LRRTM4: variants seen among roughly 807,000 people sequenced by gnomAD.
LRRTM4 encodes the protein leucine-rich repeat transmembrane neuronal protein 4.
In LRRTM4, 25 loss-of-function variants were observed where a neutral mutation model predicts 47.6. The ratio of observed to expected loss-of-function variants is 0.53; its 90% CI spans 0.38 to 0.73. The LOEUF is 0.73. Ranked by LOEUF, LRRTM4 falls within the 30% of genes least tolerant of loss-of-function variation. The pLI, the probability that LRRTM4 is intolerant of heterozygous loss-of-function variation, is 0.00. For missense variants in LRRTM4, 638 were observed against 713.4 expected (o/e 0.89, Z 1.20); for synonymous variants, 311 against 269.5 (o/e 1.15, Z -1.51).
At chr2:76,845,250 G>A (rs551087784) in intron 3 of LRRTM4, among the ~76,000 whole-genome samples, 1 of 152,262 alleles carries the variant, frequency 6.6e-6, no homozygotes, top group African/African-American at 2.4e-5. Flanking sequence ...CAACACTTTG[G>A]GAGGCTGAGG....
chr2:77,518,442 T>C lies in LRRTM4; in HGVS notation c.1427A>G (p.Gln476Arg). The change falls in exon 3 of 4, where the codon CAA (glutamine) becomes CGA (arginine). Residue 476 changes from glutamine (Q) to arginine (R), a missense_variant. By Grantham distance (43) the Gln-to-Arg change is conservative (BLOSUM62 1). Coordinates refer to ENST00000409884, the MANE Select transcript of LRRTM4 (RefSeq NM_001134745.3). Reference sequence around the variant, plus strand: ...ATACTCCTGTAAAGGGGAATTCATTTGTCTTTCAGACTCTCTGGCCTTTTT... The same window carrying C: ...ATACTCCTGTAAAGGGGAATTCATTCGTCTTTCAGACTCTCTGGCCTTTTT... ...RRKKARESER[Q>R]MNSPLQEYYV... 1.2e-6 allele frequency: 2 copies of C among 1,613,318 alleles called. No individual in the cohort carries two copies. The highest frequency in any genetic ancestry group is 1.7e-6 in the Non-Finnish European group (2 of 1,179,588).
chr2:77,437,144 C>T (rs1675632597), intron 3 of LRRTM4, among the ~76,000 whole-genome samples: 1 of 151,958 alleles, frequency 6.6e-6, no homozygotes, highest in African/African-American at 2.4e-5. Context: ...TGGTCTGTTA[C>T]ATTTCTAGTT....
chr2:77,075,366 G>A (rs1014435881), intron 3 of LRRTM4, among the ~76,000 whole-genome samples: 1 of 152,086 alleles, frequency 6.6e-6, no homozygotes, highest in Non-Finnish European at 1.5e-5. Context: ...AAAATCAGAG[G>A]TTAATTTTTA....
intron 3 of LRRTM4, among the ~76,000 whole-genome samples, chr2:77,219,940 A>G (rs1270892418): frequency 2.0e-5 from 3 of 152,140 alleles, no homozygotes; most frequent in African/African-American, 7.2e-5. Flanking sequence ...GAGTAGCCTA[A>G]CTGGGAGGCA....
At chr2:77,139,366 A>G (rs925883093) in intron 3 of LRRTM4, among the ~76,000 whole-genome samples, 4 of 152,196 alleles carry the variant, frequency 2.6e-5, no homozygotes, top group African/African-American at 9.6e-5. Context: ...AGAACGAAAG[A>G]CAAAAGCCAC....
chr2:77,037,912 C>A (rs560827384), intron 3 of LRRTM4, among the ~76,000 whole-genome samples: 1 of 151,716 alleles, frequency 6.6e-6, no homozygotes, highest in African/African-American at 2.4e-5. Flanking sequence ...CTTGAGGATT[C>A]TAGGAGTGAA....
intron 3 of LRRTM4, among the ~76,000 whole-genome samples, chr2:77,167,367 G>A (rs1172666264): frequency 1.3e-5 from 2 of 152,160 alleles, no homozygotes; most frequent in Non-Finnish European, 2.9e-5. Flanking sequence ...CTGTAAACTA[G>A]TTCAACCATT....
At chr2:77,321,769 A>C (rs1165647062) in intron 3 of LRRTM4, among the ~76,000 whole-genome samples, 1 of 152,098 alleles carries the variant, frequency 6.6e-6, no homozygotes, top group East Asian at 1.9e-4. Flanking sequence ...CGTGCAATGA[A>C]TAAATTTAGA....
chr2:77,049,120 T>TA (rs1553377397), intron 3 of LRRTM4, among the ~76,000 whole-genome samples: 8 of 66,466 alleles, frequency 1.2e-4, no homozygotes, highest in Non-Finnish European at 2.0e-4. Flanking sequence ...ATATTTCATT[T>TA]TTTATATATA....
intron 3 of LRRTM4, among the ~76,000 whole-genome samples, chr2:76,979,620 C>G (rs970490015): frequency 1.4e-5 from 2 of 145,934 alleles, no homozygotes; most frequent in Non-Finnish European, 3.0e-5. Context: ...GGAACTAGCA[C>G]GACATTTTAT....
At position 77,160,514 on chromosome 2, in the gene LRRTM4, C is replaced by A. The variant is rs199808732; in HGVS notation, c.1551+357804G>T. ...ATTGTTTAATATTTAAAAAAAAAAA[C>A]TTTAAAAGGCAGTCCTTTACTGACA... On this transcript the variant is annotated intron_variant, in intron 3 of 3. Transcript: ENST00000409884. 4.1e-5 allele frequency among the ~76,000 whole-genome samples: 6 copies of A among 145,140 alleles called. No homozygotes were observed. The South Asian group carries it at 6.6e-4, about 16-fold the overall frequency.
chr2:77,255,323 A>C (rs936561450), intron 3 of LRRTM4, among the ~76,000 whole-genome samples: 8 of 151,972 alleles, frequency 5.3e-5, no homozygotes, highest in Non-Finnish European at 1.0e-4. Flanking sequence ...AATTACAGTC[A>C]ATTCTTCCAC....
At chr2:76,902,938 T>C (rs1673692091) in intron 3 of LRRTM4, among the ~76,000 whole-genome samples, 1 of 152,230 alleles carries the variant, frequency 6.6e-6, no homozygotes, top group Admixed American at 6.5e-5. Context: ...GGACTCTGAG[T>C]AACTTTTTAT....
intron 3 of LRRTM4, among the ~76,000 whole-genome samples, chr2:77,283,989 G>C (rs76699547): frequency 2.0e-5 from 3 of 151,956 alleles, no homozygotes; most frequent in African/African-American, 7.3e-5. Flanking sequence ...GTTGAAAAAA[G>C]TTTGAAGGCA....
intron 3 of LRRTM4, among the ~76,000 whole-genome samples, chr2:77,481,539 C>T (rs756373103): frequency 1.3e-5 from 2 of 152,062 alleles, no homozygotes; most frequent in African/African-American, 4.8e-5. Flanking sequence ...GGTTCTCTAA[C>T]TTTTGGAGTC....
At chr2:77,137,071 A>C (rs1416448241) in intron 3 of LRRTM4, among the ~76,000 whole-genome samples, 1 of 151,868 alleles carries the variant, frequency 6.6e-6, no homozygotes, top group Non-Finnish European at 1.5e-5. Flanking sequence ...TATCCAGGAG[A>C]ACTTCCCCAA....
At chr2:76,973,790 T>C (rs2860934) in intron 3 of LRRTM4, among the ~76,000 whole-genome samples, 87,785 of 151,522 alleles carry the variant, frequency 0.58, 27,781 homozygotes, top group African/African-American at 0.83. Context: ...ACCAAAGTAG[T>C]GCACACAATT....
chr2:76,996,099 A>T (rs1677194070), intron 3 of LRRTM4, among the ~76,000 whole-genome samples: 1 of 152,066 alleles, frequency 6.6e-6, no homozygotes, highest in African/African-American at 2.4e-5. Context: ...GGTATATATA[A>T]ATCAGGAATG....
chr2:77,111,082 G>T (rs1671234420), intron 3 of LRRTM4, among the ~76,000 whole-genome samples: 1 of 152,042 alleles, frequency 6.6e-6, no homozygotes, highest in Non-Finnish European at 1.5e-5. Flanking sequence ...ATGAGTGAAA[G>T]GAAGTACAGT....
Sources: allele counts gnomAD v4.1 joint callset (sites outside exome capture counted in the v4.1 genomes callset), GRCh38; gene constraint gnomAD v4.1.1; transcripts MANE v1.5; gene names NCBI Gene and HGNC (gene_info 2026-07-23, HGNC 2026-07-21).